PCSK5: variants seen among roughly 807,000 people sequenced by gnomAD.
PCSK5 encodes prohormone convertase 5.
PCSK5 carries 129 observed loss-of-function variants against 233.2 expected under a neutral mutation model. That is an observed-to-expected ratio of 0.55 (90% CI 0.48 to 0.64). PCSK5 has a LOEUF of 0.64. Among genes scored for constraint, PCSK5 ranks in the 30% least tolerant of loss-of-function variants. The pLI is 0.00. For synonymous variants in PCSK5, 825 were observed against 879.2 expected (o/e 0.94, Z 1.09); for missense variants, 2,076 against 2,430.1 (o/e 0.85, Z 3.06).
chr9:76,013,979 G>C (rs1259394214), intron 3 of PCSK5, among the ~76,000 whole-genome samples: 1 of 150,152 alleles, frequency 6.7e-6, no homozygotes, highest in Non-Finnish European at 1.5e-5. Context: ...AAAAAAGGAA[G>C]TGGGAACTGA....
chr9:76,200,822 C>T (rs755312283), intron 20 of PCSK5, among the ~76,000 whole-genome samples: 7 of 152,124 alleles, frequency 4.6e-5, no homozygotes, highest in Non-Finnish European at 7.3e-5. Flanking sequence ...TGGGGTCAAC[C>T]GGTAAAGAAC....
intron 16 of PCSK5, 41 bp downstream of exon 16, chr9:76,181,632 T>C (rs771354770): frequency 1.4e-6 from 2 of 1,450,480 alleles, no homozygotes; most frequent in Admixed American, 3.6e-5. Context: ...AGAAGAAATG[T>C]GGTGTTTTCA....
chr9:76,317,812 G>T (rs1238493145), intron 30 of PCSK5, among the ~76,000 whole-genome samples: 1 of 152,186 alleles, frequency 6.6e-6, no homozygotes, highest in Non-Finnish European at 1.5e-5. Context: ...AACGTCCCCT[G>T]GTAGTCCCGG....
Position 76,043,000 on chromosome 9 carries a change from T to G in PCSK5, c.632+15963T>G, listed in dbSNP as rs571713147. On this transcript the variant is annotated intron_variant, in intron 5 of 37. Coordinates refer to ENST00000674117, the MANE Select transcript of PCSK5 (RefSeq NM_001372043.1). ...TTTAATCCCAACCAATCTGCCAAGA[T>G]TTTCCATTGCTAAAGGATTGGCAGA... Among the ~76,000 whole-genome samples the G allele has an allele frequency of 2.0e-5, 3 of 152,210 alleles. No homozygotes were observed. In the South Asian group the frequency reaches 6.2e-4, roughly 32 times the overall value.
At chr9:76,063,636 A>G (rs1220534277) in intron 5 of PCSK5, among the ~76,000 whole-genome samples, 1 of 27,050 alleles carries the variant, frequency 3.7e-5, no homozygotes, top group Admixed American at 3.8e-4. Flanking sequence ...CAGAGAGCAC[A>G]GGGTTGGGGG....
chr9:76,133,444 T>C lies in PCSK5; in HGVS notation c.1209-665T>C, dbSNP rs570323271. Among the ~76,000 whole-genome samples the C allele has an allele frequency of 3.3e-5, 5 of 152,200 alleles. No homozygotes were observed. In the East Asian group the frequency reaches 9.7e-4, roughly 29 times the overall value. On this transcript the variant is annotated intron_variant, in intron 9 of 37. Coordinates refer to ENST00000674117, the MANE Select transcript of PCSK5 (RefSeq NM_001372043.1). ...CAGTAGTCTCTTTTGTGTTCTTCAGTGCTAGTAGCCATAAGAACTAGGTGT... is the reference window on the plus strand; with the variant it reads ...CAGTAGTCTCTTTTGTGTTCTTCAGCGCTAGTAGCCATAAGAACTAGGTGT...
intron 1 of PCSK5, among the ~76,000 whole-genome samples, chr9:75,927,655 CCACACAG>C (rs1015620255): frequency 2.0e-5 from 3 of 152,114 alleles, no homozygotes; most frequent in Admixed American, 6.6e-5. Context: ...TTCTGAAAGG[CCACACAG>C]CTCCTCATCA....
chr9:75,991,274 G>A (rs889392382), intron 3 of PCSK5, among the ~76,000 whole-genome samples: 2 of 151,964 alleles, frequency 1.3e-5, no homozygotes, highest in Non-Finnish European at 2.9e-5. Context: ...CCAGATTTTT[G>A]CCTACCCTCC....
intron 1 of PCSK5, among the ~76,000 whole-genome samples, chr9:75,908,869 TTCTATTTATCTATCTA>T (rs1175909799): frequency 1.7e-3 from 202 of 119,988 alleles, no homozygotes; most frequent in African/African-American, 5.9e-3. Context: ...ATCCTTCTCT[TTCTATTTATCTATCTA>T]TCTATCTATC....
Position 76,060,502 on chromosome 9 carries a change from T to C in PCSK5, c.633-7453T>C, listed in dbSNP as rs139493880. 6.0e-3 allele frequency among the ~76,000 whole-genome samples: 914 copies of C among 151,820 alleles called. 6 individuals are homozygous for C. The highest frequency in any genetic ancestry group is 0.02 in the African/African-American group (827 of 41,410). ...AGGGTTGGTCTTGCAGTCTCAGGGGTGGGAAGGGTGGAAGAAAATCCATAT... is the reference window on the plus strand; with the variant it reads ...AGGGTTGGTCTTGCAGTCTCAGGGGCGGGAAGGGTGGAAGAAAATCCATAT... On this transcript the variant is annotated intron_variant, in intron 5 of 37. Coordinates refer to ENST00000674117, the MANE Select transcript of PCSK5 (RefSeq NM_001372043.1).
At chr9:76,194,717 G>A (rs758583368) in intron 20 of PCSK5, 77 of 458,698 alleles carry the variant, frequency 1.7e-4, no homozygotes, top group South Asian at 1.2e-3. Flanking sequence ...CAGAAACGAT[G>A]AAATCTTATA....
intron 1 of PCSK5, among the ~76,000 whole-genome samples, chr9:75,903,916 C>T (rs1325517775): frequency 1.3e-5 from 2 of 151,996 alleles, no homozygotes; most frequent in Admixed American, 6.6e-5. Flanking sequence ...ATTCTAGTTT[C>T]ATTTAACTAA....
chr9:76,040,325 G>GTCTCTCTC (rs757550088), intron 5 of PCSK5, among the ~76,000 whole-genome samples: 98 of 78,988 alleles, frequency 1.2e-3, no homozygotes, highest in Middle Eastern at 0.01. Context: ...TGTGTTCTCT[G>GTCTCTCTC]TCTCTCTCTC....
intron 16 of PCSK5, 41 bp downstream of exon 16, chr9:76,181,632 T>A (rs771354770): frequency 6.9e-7 from 1 of 1,450,482 alleles, no homozygotes; most frequent in African/African-American, 1.4e-5. Context: ...AGAAGAAATG[T>A]GGTGTTTTCA....
intron 21 of PCSK5, 85 bp from the exon 22 acceptor site, chr9:76,233,375 C>G: frequency 1.5e-6 from 2 of 1,356,602 alleles, no homozygotes; most frequent in Non-Finnish European, 2.1e-6. Flanking sequence ...ATCTGTCCAG[C>G]AAACATGAAT....
At chr9:76,290,733 G>A (rs1214432703) in intron 24 of PCSK5, among the ~76,000 whole-genome samples, 3 of 152,154 alleles carry the variant, frequency 2.0e-5, no homozygotes, top group South Asian at 4.1e-4. Context: ...GAAGTGGCAG[G>A]GAGTAAATAT....
At chr9:76,089,150 C>G (rs900168554) in intron 7 of PCSK5, among the ~76,000 whole-genome samples, 1 of 151,944 alleles carries the variant, frequency 6.6e-6, no homozygotes, top group Admixed American at 6.6e-5. Context: ...TCCCTGGATC[C>G]CCCTTTATCC....
chr9:76,179,454 C>A, intron 14 of PCSK5, 142 bp from the exon 15 acceptor site: 1 of 571,176 alleles, frequency 1.8e-6, no homozygotes, highest in Non-Finnish European at 3.1e-6. Flanking sequence ...GGACCTAAAG[C>A]CACATTGACA....
Position 75,963,700 on chromosome 9 carries a change from G to A in PCSK5, c.298-22432G>A, listed in dbSNP as rs570398112. 3.9e-5 allele frequency among the ~76,000 whole-genome samples: 6 copies of A among 152,318 alleles called. No homozygotes were observed. The South Asian group carries it at 1.2e-3, about 32-fold the overall frequency. ...TCGAGATCAGCCTGACCAACATGGT[G>A]AAACCCCGTCTCTACTAAAAATACA... On this transcript the variant is annotated intron_variant, in intron 2 of 37. Transcript: ENST00000674117.
Sources: gnomAD v4.1 joint callset for allele counts (sites outside exome capture counted in the v4.1 genomes callset) on GRCh38, gnomAD v4.1.1 for gene constraint, MANE v1.5 for transcripts, NCBI Gene and HGNC (gene_info 2026-07-23, HGNC 2026-07-21) for gene names.